The following GPC3 variants were observed in gnomAD, a reference collection of about 807,000 sequenced individuals.
The protein encoded by GPC3 is glypican-3.
In GPC3, 3 loss-of-function variants were observed where a neutral mutation model predicts 34.4. The ratio of observed to expected loss-of-function variants is 0.09; its 90% confidence interval spans 0.04 to 0.23. The LOEUF (loss-of-function observed/expected upper bound fraction) is 0.23, where lower values mean the gene tolerates loss of function less well. Among genes scored for constraint, GPC3 ranks in the 10% least tolerant of loss-of-function variants. The pLI is 1.00. For missense variants in GPC3, 351 were observed against 445.6 expected (o/e 0.79, Z 1.91); for synonymous variants, 177 against 174.0 (o/e 1.02, Z -0.13).
chrX:133,804,569 C>A (rs188110000), intron 2 of GPC3, among the ~76,000 whole-genome samples: 1 of 111,010 alleles, frequency 9.0e-6, no homozygotes, highest in East Asian at 2.8e-4. Flanking sequence ...ATCTCTTTTA[C>A]TCTCCAACCT....
chrX:133,696,537 T>C, intron 4 of GPC3, among the ~76,000 whole-genome samples: 2 of 112,541 alleles, frequency 1.8e-5, no homozygotes, highest in East Asian at 2.8e-4. Context: ...TTTTTCTCTT[T>C]AAAGAAAGAC....
chrX:133,961,125 T>C (rs1258167517), intron 1 of GPC3, among the ~76,000 whole-genome samples: 2 of 111,841 alleles, frequency 1.8e-5, no homozygotes, highest in Admixed American at 9.5e-5. Flanking sequence ...GGGAAAGTGA[T>C]GATTGCTGGC....
At chrX:133,704,229 G>C in intron 3 of GPC3, 1 of 1,104,492 alleles carries the variant, frequency 9.1e-7, no homozygotes, top group Non-Finnish European at 1.2e-6. Context: ...CTATACACAG[G>C]AAGAAGATAG....
At chrX:133,878,092 A>G (rs2076024843) in intron 2 of GPC3, among the ~76,000 whole-genome samples, 1 of 112,142 alleles carries the variant, frequency 8.9e-6, no homozygotes, top group South Asian at 3.7e-4. Flanking sequence ...TTGGAAATGT[A>G]TATTTGTAAA....
intron 1 of GPC3, among the ~76,000 whole-genome samples, chrX:133,981,152 G>T (rs2076536876): frequency 8.9e-6 from 1 of 112,330 alleles, no homozygotes; most frequent in Non-Finnish European, 1.9e-5. Flanking sequence ...CATCTCTTCA[G>T]TTCTTTTCCC....
At chrX:133,893,303 T>C (rs1029682178) in intron 2 of GPC3, among the ~76,000 whole-genome samples, 6 of 111,880 alleles carry the variant, frequency 5.4e-5, no homozygotes, top group Non-Finnish European at 1.1e-4. Flanking sequence ...GAAGTGTCTG[T>C]CATTTCTCAA....
intron 6 of GPC3, among the ~76,000 whole-genome samples, chrX:133,621,998 T>C (rs1164247817): frequency 1.8e-5 from 2 of 111,963 alleles, no homozygotes; most frequent in Non-Finnish European, 1.9e-5. Flanking sequence ...TTCTGCAACA[T>C]TTGCTGTTCT....
In GPC3 at chrX:133,650,384, G is replaced by A. The variant is rs755306509; in HGVS notation, c.1413+11346C>T. 2.7e-5 allele frequency among the ~76,000 whole-genome samples: 3 copies of A among 109,229 alleles called. No individual in the cohort carries two copies. The South Asian group carries it at 1.2e-3, about 44-fold the overall frequency. The allele number at this position is 109,229 out of a possible 115,157, so 94.9% of individuals were successfully genotyped here. ...CAAGGGCAGCCTGCCTATTTATAGA[G>A]CCTCTACTTCAGGGCAGAGTTCAAA... On this transcript the variant is annotated intron_variant, in intron 6 of 7. Coordinates refer to ENST00000370818, the MANE Select transcript of GPC3 (RefSeq NM_004484.4).
intron 2 of GPC3, among the ~76,000 whole-genome samples, chrX:133,912,673 G>GA (rs1008750809): frequency 9.0e-6 from 1 of 110,513 alleles, no homozygotes; most frequent in Non-Finnish European, 1.9e-5. Context: ...AGAGAGGGAG[G>GA]AATTCTCTTT....
At chrX:133,631,719 A>G (rs764307189) in intron 6 of GPC3, among the ~76,000 whole-genome samples, 33 of 110,934 alleles carry the variant, frequency 3.0e-4, no homozygotes, top group Non-Finnish European at 5.7e-4. Flanking sequence ...ACACCATTTT[A>G]CTTTCCCACC....
intron 6 of GPC3, among the ~76,000 whole-genome samples, chrX:133,608,370 C>A (rs1475411112): frequency 8.9e-6 from 1 of 112,217 alleles, no homozygotes; most frequent in Non-Finnish European, 1.9e-5. Flanking sequence ...AACCCCACAG[C>A]CCTGCTCCAT....
At chrX:133,956,124 C>T (rs182435951) in intron 1 of GPC3, among the ~76,000 whole-genome samples, 253 of 111,705 alleles carry the variant, frequency 2.3e-3, no homozygotes, top group Non-Finnish European at 3.2e-3. Context: ...ACAGATAATA[C>T]ATATCACCAA....
chrX:133,935,883 T>C (rs1304530385), intron 2 of GPC3, among the ~76,000 whole-genome samples: 1 of 110,773 alleles, frequency 9.0e-6, no homozygotes, highest in Non-Finnish European at 1.9e-5. Flanking sequence ...CATGCTTATA[T>C]GACAACTAAG....
intron 3 of GPC3, among the ~76,000 whole-genome samples, chrX:133,716,835 T>C (rs2071318373): frequency 1.8e-5 from 2 of 111,974 alleles, no homozygotes; most frequent in African/African-American, 6.5e-5. Context: ...AGAAACTCAG[T>C]GAATTCCAAG....
intron 3 of GPC3, among the ~76,000 whole-genome samples, chrX:133,739,504 G>A (rs73632099): frequency 0.014 from 1,610 of 111,290 alleles, 26 homozygotes; most frequent in African/African-American, 0.05. Context: ...AAGGCTCAGA[G>A]ATTATACTAC....
At chrX:133,635,342 T>C (rs759801111) in intron 6 of GPC3, among the ~76,000 whole-genome samples, 1 of 111,823 alleles carries the variant, frequency 8.9e-6, no homozygotes, top group South Asian at 3.8e-4. Flanking sequence ...TGGAGGTCTC[T>C]GGGACACAGC....
At chrX:133,875,004 A>G in intron 2 of GPC3, among the ~76,000 whole-genome samples, 1 of 112,453 alleles carries the variant, frequency 8.9e-6, no homozygotes, top group East Asian at 2.8e-4. Flanking sequence ...ATTCTGGGCT[A>G]TCACTGGCTA....
intron 2 of GPC3, among the ~76,000 whole-genome samples, chrX:133,768,517 C>T (rs2071876071): frequency 9.0e-6 from 1 of 111,500 alleles, no homozygotes; most frequent in Admixed American, 9.5e-5. Context: ...GCCAGTACTA[C>T]TGACATCTAA....
chrX:133,776,805 G>A (rs2071985477), intron 2 of GPC3, among the ~76,000 whole-genome samples: 2 of 109,648 alleles, frequency 1.8e-5, no homozygotes, highest in South Asian at 7.9e-4. Context: ...CACGAACTTT[G>A]CTCTCATTCT....
Sources: gnomAD v4.1 joint callset for allele counts (sites outside exome capture counted in the v4.1 genomes callset) on GRCh38, gnomAD v4.1.1 for gene constraint, MANE v1.5 for transcripts, NCBI Gene and HGNC (gene_info 2026-07-23, HGNC 2026-07-21) for gene names.